Variants in ADAMTS9 observed in about 807,000 individuals in gnomAD.
The protein encoded by ADAMTS9 is A disintegrin and metalloproteinase with thrombospondin motifs 9.
In ADAMTS9, 107 loss-of-function variants were observed where a neutral mutation model predicts 257.1. The ratio of observed to expected loss-of-function variants is 0.42; its 90% CI spans 0.36 to 0.49. The LOEUF is 0.49. Among genes scored for constraint, ADAMTS9 ranks in the 20% least tolerant of loss-of-function variants. The pLI is 0.03. For synonymous variants in ADAMTS9, 982 were observed against 880.9 expected, an observed-to-expected ratio of 1.11 and a Z score of -2.03; for missense variants, 2,353 against 2,469.1, an observed-to-expected ratio of 0.95 and a Z score of 1.00.
rs370003868 is a variant in ADAMTS9 at position 64,546,909 on chromosome 3, G to A, written c.4913C>T (p.Ser1638Leu). The A allele has an allele frequency of 8.2e-5, 132 of 1,613,488 alleles. No individual in the cohort carries two copies. In the Admixed American group the frequency reaches 1.8e-3, roughly 22 times the overall value. The change falls in exon 32 of 40, where the codon TCG becomes TTG. Residue 1638 changes from serine to leucine, a missense_variant. Transcript: ENST00000498707. ...CTTCCCGGTGTAAATCTCGCTGCACGAGACAAGCCTTTGTTTGTAGCCTTT... is the reference window on the plus strand; with the variant it reads ...CTTCCCGGTGTAAATCTCGCTGCACAAGACAAGCCTTTGTTTGTAGCCTTT... The part of the protein sequence containing the change: ...CGKGYKQRLV[S>L]CSEIYTGKEN...
rs1423744574 is a variant in ADAMTS9, at chr3:64,603,477, G to A, written c.3747+445C>T. Among the ~76,000 whole-genome samples, 3 of 152,194 alleles carry A rather than the reference G, an allele frequency of 2.0e-5. No homozygotes were observed. In the South Asian group the frequency reaches 6.2e-4, roughly 32 times the overall value. ...CAGGCAGGTTCACAGCACTGGATGA[G>A]GATTCCCACTTCCCATTCTTGTCAG... On this transcript the variant is annotated intron_variant, in intron 25 of 39. Coordinates refer to ENST00000498707, the MANE Select transcript of ADAMTS9 (RefSeq NM_182920.2).
chr3:64,529,006 G>A (rs527572423), intron 38 of ADAMTS9, among the ~76,000 whole-genome samples: 40 of 152,270 alleles, frequency 2.6e-4, no homozygotes, highest in African/African-American at 9.6e-4. Flanking sequence ...TTTCACTGTG[G>A]CACCAAGGGC....
intron 11 of ADAMTS9, among the ~76,000 whole-genome samples, chr3:64,643,254 G>T (rs1700701752): frequency 6.6e-6 from 1 of 151,966 alleles, no homozygotes; most frequent in Non-Finnish European, 1.5e-5. Context: ...AAAAATAAAT[G>T]AACAGATGGA....
At chr3:64,565,852 A>G (rs1000117550) in intron 29 of ADAMTS9, 1 of 152,118 alleles carries the variant, frequency 6.6e-6, no homozygotes, top group African/African-American at 2.4e-5. Context: ...GAATAATTCC[A>G]CCCCTCCTTC....
intron 18 of ADAMTS9, 103 bp downstream of exon 18, chr3:64,622,095 A>G (rs1292423639): frequency 8.0e-7 from 1 of 1,249,498 alleles, no homozygotes; most frequent in Non-Finnish European, 1.1e-6. Context: ...ACGTATGCAG[A>G]TAGAAGGGTT....
At chr3:64,585,259 C>T (rs1251316120) in intron 28 of ADAMTS9, among the ~76,000 whole-genome samples, 1 of 152,104 alleles carries the variant, frequency 6.6e-6, no homozygotes, top group African/African-American at 2.4e-5. Flanking sequence ...CTGCTTTTTC[C>T]CTGTTGTATT....
intron 12 of ADAMTS9, among the ~76,000 whole-genome samples, chr3:64,636,812 G>A (rs1453949409): frequency 2.6e-5 from 4 of 152,210 alleles, no homozygotes; most frequent in African/African-American, 9.7e-5. Flanking sequence ...GTAAGGTTGA[G>A]TAATTGTGAT....
intron 32 of ADAMTS9, among the ~76,000 whole-genome samples, chr3:64,544,831 T>C (rs999420654): frequency 6.6e-6 from 1 of 152,146 alleles, no homozygotes; most frequent in Non-Finnish European, 1.5e-5. Flanking sequence ...ACAGGCAACC[T>C]ACAGAATGGG....
chr3:64,517,343 A>C (rs1267408636), intron 39 of ADAMTS9, among the ~76,000 whole-genome samples: 1 of 148,844 alleles, frequency 6.7e-6, no homozygotes, highest in Non-Finnish European at 1.5e-5. Flanking sequence ...CTGGGCAAGC[A>C]ATCCTCCCAT....
intron 26 of ADAMTS9, among the ~76,000 whole-genome samples, chr3:64,601,375 T>A (rs549809301): frequency 6.6e-6 from 1 of 152,280 alleles, no homozygotes; most frequent in South Asian, 2.1e-4. Flanking sequence ...GTGTAAGTCA[T>A]TGGATCAAAC....
chr3:64,617,928 G>A (rs531442918), intron 19 of ADAMTS9, among the ~76,000 whole-genome samples: 1 of 152,114 alleles, frequency 6.6e-6, no homozygotes, highest in Admixed American at 6.6e-5. Flanking sequence ...TTCAGTTTTG[G>A]ACACAGCTAC....
In ADAMTS9 at chr3:64,687,460, G is replaced by A; in HGVS notation, c.115+83C>T. The A allele has an allele frequency of 8.9e-7, 1 of 1,122,840 alleles. No individual in the cohort carries two copies. The highest frequency in any genetic ancestry group is 1.2e-6 in the Non-Finnish European group (1 of 812,856). 69.6% of individuals were successfully genotyped at this position (1,122,840 alleles called of 1,614,324 possible). A position where few individuals can be genotyped will look rare whatever the true frequency, so the allele number is the denominator to read the frequency against. On this transcript the variant is annotated intron_variant, in intron 1 of 39. Coordinates refer to ENST00000498707, the MANE Select transcript of ADAMTS9 (RefSeq NM_182920.2). This position sits in a 1 kb window ranked among gnomAD's most constrained non-coding sequence, Gnocchi z 4.4. ...TTCTAGGAAAAGGAGAGAAGCCTCC[G>A]CTGCGGGGTGCCCCTGCCCAGGAGC... is the stretch of plus-strand genomic sequence containing the variant.
At chr3:64,639,302 T>TTTG (rs1559805085) in intron 12 of ADAMTS9, among the ~76,000 whole-genome samples, 12 of 144,520 alleles carry the variant, frequency 8.3e-5, no homozygotes, top group African/African-American at 3.1e-4. Flanking sequence ...TGTTTTTTTT[T>TTTG]TTTTTTTTTT....
At chr3:64,552,352 T>C (rs2083280804) in intron 30 of ADAMTS9, among the ~76,000 whole-genome samples, 1 of 152,210 alleles carries the variant, frequency 6.6e-6, no homozygotes, top group Non-Finnish European at 1.5e-5. Context: ...CTTAGTGCCC[T>C]GTGTTGCTAA....
intron 6 of ADAMTS9, among the ~76,000 whole-genome samples, chr3:64,655,169 T>C (rs1023720566): frequency 1.3e-5 from 2 of 152,270 alleles, no homozygotes; most frequent in Non-Finnish European, 2.9e-5. Flanking sequence ...TGAACTCATA[T>C]ACTACATGGC....
intron 32 of ADAMTS9, among the ~76,000 whole-genome samples, chr3:64,543,038 C>G (rs2083147466): frequency 6.6e-6 from 1 of 152,204 alleles, no homozygotes; most frequent in Non-Finnish European, 1.5e-5. Context: ...AATTCCTGGA[C>G]ACATACACCC....
At chr3:64,564,214 G>A (rs1025103165) in intron 29 of ADAMTS9, among the ~76,000 whole-genome samples, 4 of 152,122 alleles carry the variant, frequency 2.6e-5, no homozygotes, top group African/African-American at 9.7e-5. Flanking sequence ...TTTTCACTCT[G>A]AACTCCTGAG....
chr3:64,534,365 G>A (rs901017737), intron 37 of ADAMTS9, among the ~76,000 whole-genome samples: 1 of 152,174 alleles, frequency 6.6e-6, no homozygotes, highest in Non-Finnish European at 1.5e-5. Context: ...TATGGCTGGC[G>A]CTTAGTAGAT....
intron 20 of ADAMTS9, 88 bp downstream of exon 20, chr3:64,615,872 C>T (rs1484444782): frequency 1.3e-6 from 2 of 1,494,708 alleles, no homozygotes; most frequent in Non-Finnish European, 1.9e-6. Flanking sequence ...TTCCGCACAG[C>T]CTAAATGGGG....
Sources: gnomAD v4.1 joint callset for allele counts (sites outside exome capture counted in the v4.1 genomes callset) on GRCh38, gnomAD v4.1.1 for gene constraint, Gnocchi (gnomAD v3.1) non-coding constraint, MANE v1.5 for transcripts, NCBI Gene and HGNC (gene_info 2026-07-23, HGNC 2026-07-21) for gene names.